The following KLRG1 variants were observed in gnomAD, a reference collection of about 807,000 sequenced individuals.
The protein encoded by KLRG1 is killer cell lectin like receptor G1.
In KLRG1, 16 loss-of-function variants were observed where a neutral mutation model predicts 21.8. That is an observed-to-expected ratio of 0.73 (90% CI 0.50 to 1.11). KLRG1 has a LOEUF of 1.11. KLRG1 is among the 50% of genes most tolerant of loss of function. KLRG1 has a pLI of 0.00. For synonymous variants in KLRG1, 69 were observed against 75.9 expected, an observed-to-expected ratio of 0.91 and a Z score of 0.47; for missense variants, 173 against 218.3, an observed-to-expected ratio of 0.79 and a Z score of 1.31.
the KLRG1 span, among the ~76,000 whole-genome samples, chr12:9,092,591 A>G: frequency 6.6e-6 from 1 of 152,144 alleles, no homozygotes; most frequent in Non-Finnish European, 1.5e-5. Flanking sequence ...CACCTGCCCC[A>G]CTGGCTTGTT....
chr12:9,109,766 A>G, the KLRG1 span: 3 of 1,171,454 alleles, frequency 2.6e-6, no homozygotes, highest in Admixed American at 7.1e-5. Flanking sequence ...GCCCAATGTC[A>G]CCCATGGGAA....
the KLRG1 span, among the ~76,000 whole-genome samples, chr12:9,033,515 C>A: frequency 1.1e-3 from 160 of 152,040 alleles, no homozygotes; most frequent in African/African-American, 3.7e-3. Flanking sequence ...AACAAGAGGG[C>A]ACTTTGGGGA....
chr12:9,067,295 C>A, the KLRG1 span: 1 of 161,068 alleles, frequency 6.2e-6, no homozygotes, highest in Non-Finnish European at 1.4e-5. Context: ...TCATCAGTGG[C>A]AGATTTTGGT....
chr12:9,029,773 A>G, the KLRG1 span, among the ~76,000 whole-genome samples: 2 of 151,604 alleles, frequency 1.3e-5, no homozygotes, highest in Non-Finnish European at 2.9e-5. Flanking sequence ...TAATTTATTT[A>G]TTTGAGACAG....
chr12:8,995,503 T>C lies in KLRG1; in HGVS notation c.357+215T>C, dbSNP rs200907685. Among the ~76,000 whole-genome samples the C allele has an allele frequency of 2.9e-3, 435 of 152,178 alleles. 1 individual carries two copies. The highest frequency in any genetic ancestry group is 0.01 in the African/African-American group (417 of 41,510). On this transcript the variant is annotated intron_variant, in intron 3 of 4. Coordinates refer to ENST00000356986, the MANE Select transcript of KLRG1 (RefSeq NM_005810.4). ...CTCCCCACTCTTTACCCTTATGCTGTCTGACCCAACAAACCTCAGTTACAG... is the reference window on the plus strand; with the variant it reads ...CTCCCCACTCTTTACCCTTATGCTGCCTGACCCAACAAACCTCAGTTACAG...
chr12:9,186,882 G>A, the KLRG1 span, among the ~76,000 whole-genome samples: 1 of 151,734 alleles, frequency 6.6e-6, no homozygotes, highest in Non-Finnish European at 1.5e-5. Context: ...GATAGCATTA[G>A]GAGAAATACC....
chr12:9,015,243 C>A (rs999947854), downstream of KLRG1, among the ~76,000 whole-genome samples: 2 of 152,028 alleles, frequency 1.3e-5, no homozygotes, highest in Admixed American at 6.6e-5. Flanking sequence ...CAAGACCCAA[C>A]AATCTGTCAC....
chr12:9,079,671 A>C, the KLRG1 span: 2 of 1,613,538 alleles, frequency 1.2e-6, no homozygotes, highest in Non-Finnish European at 1.7e-6. Context: ...CTTGGACTTG[A>C]TCTCTGGAGT....
the KLRG1 span, chr12:9,098,581 G>C: frequency 1.3e-6 from 2 of 1,577,482 alleles, no homozygotes; most frequent in East Asian, 2.3e-5. Context: ...GGCCCTTCTT[G>C]ATTCCTGAGG....
chr12:9,163,114 A>G, the KLRG1 span, among the ~76,000 whole-genome samples: 1 of 152,104 alleles, frequency 6.6e-6, no homozygotes, highest in Non-Finnish European at 1.5e-5. Flanking sequence ...AGAGATAATA[A>G]GGGCAGTAAA....
At chr12:9,095,551 G>A in the KLRG1 span, 21 of 1,611,736 alleles carry the variant, frequency 1.3e-5, no homozygotes, top group Non-Finnish European at 1.8e-5. Context: ...CTAGGAAGCT[G>A]TACATATCCT....
the KLRG1 span, among the ~76,000 whole-genome samples, chr12:9,073,873 A>G: frequency 2.6e-5 from 4 of 152,116 alleles, no homozygotes; most frequent in Non-Finnish European, 5.9e-5. Flanking sequence ...GGATTGCCTG[A>G]GCTCAGGACT....
chr12:9,105,599 G>T, the KLRG1 span, among the ~76,000 whole-genome samples: 3 of 152,118 alleles, frequency 2.0e-5, no homozygotes, highest in Non-Finnish European at 2.9e-5. Context: ...AGATCCATTT[G>T]CACATCTGCT....
the KLRG1 span, chr12:9,074,529 G>A: frequency 6.4e-7 from 1 of 1,557,430 alleles, no homozygotes; most frequent in Non-Finnish European, 8.7e-7. Flanking sequence ...CTACCTGAAG[G>A]TGAAATAAAA....
At chr12:9,135,711 A>G in the KLRG1 span, 2 of 185,884 alleles carry the variant, frequency 1.1e-5, no homozygotes, top group Non-Finnish European at 2.2e-5. Flanking sequence ...CCGGCACAAG[A>G]TAGAGTGGTA....
At chr12:8,998,987 C>T (rs1038427098) in intron 3 of KLRG1, among the ~76,000 whole-genome samples, 3 of 151,812 alleles carry the variant, frequency 2.0e-5, no homozygotes, top group Non-Finnish European at 4.4e-5. Context: ...TCCCAAAGTG[C>T]TGGGATTATA....
the KLRG1 span, chr12:9,064,946 A>G: frequency 6.6e-6 from 1 of 152,164 alleles, no homozygotes; most frequent in African/African-American, 2.4e-5. The surrounding 1 kb of genome is among the most constrained non-coding windows in gnomAD (Gnocchi z 4.0). Context: ...CACTGGGGTG[A>G]CCGCCGAGCT....
the KLRG1 span, chr12:9,203,818 A>C: frequency 6.2e-7 from 1 of 1,614,134 alleles, no homozygotes; most frequent in East Asian, 2.2e-5. Flanking sequence ...AGGTCAGTGA[A>C]GAGGCTCCTG....
the KLRG1 span, chr12:9,067,826 A>G: frequency 1.9e-6 from 3 of 1,612,842 alleles, no homozygotes; most frequent in Non-Finnish European, 2.5e-6. Flanking sequence ...GTGGTCTTCA[A>G]GCATTTCCAA....
Sources: gnomAD v4.1 joint callset for allele counts (sites outside exome capture counted in the v4.1 genomes callset) on GRCh38, gnomAD v4.1.1 for gene constraint, Gnocchi (gnomAD v3.1) non-coding constraint, MANE v1.5 for transcripts, NCBI Gene and HGNC (gene_info 2026-07-23, HGNC 2026-07-21) for gene names.